PRDM1: variants seen among roughly 807,000 people sequenced by gnomAD.
PRDM1 encodes the protein PR/SET domain 1.
In PRDM1, 13 loss-of-function variants were observed where a neutral mutation model predicts 62.8. The ratio of observed to expected loss-of-function variants is 0.21; its 90% CI spans 0.13 to 0.33. The LOEUF (loss-of-function observed/expected upper bound fraction) is 0.33. Ranked by LOEUF, PRDM1 falls within the 10% of genes least tolerant of loss-of-function variation. The pLI is 1.00. For synonymous variants in PRDM1, 396 were observed against 417.6 expected, an observed-to-expected ratio of 0.95 and a Z score of 0.63; for missense variants, 895 against 1,058.8, an observed-to-expected ratio of 0.85 and a Z score of 2.15.
At chr6:106,091,729 TGCCATTGCACTCCAGCCCAG>T (rs1460173317) in intron 2 of PRDM1, among the ~76,000 whole-genome samples, 1 of 151,696 alleles carries the variant, frequency 6.6e-6, no homozygotes, top group Non-Finnish European at 1.5e-5. Context: ...GCCGAGATCG[TGCCATTGCACTCCAGCCCAG>T]GCAACGAGAG....
At chr6:106,040,049 G>A (rs2114574530) in intron 1 of PRDM1, among the ~76,000 whole-genome samples, 1 of 152,296 alleles carries the variant, frequency 6.6e-6, no homozygotes, top group African/African-American at 2.4e-5. Flanking sequence ...TAAGACCAAG[G>A]CATTCAAAAT....
At chr6:105,999,657 A>G (rs977194230) in intron 1 of PRDM1, among the ~76,000 whole-genome samples, 2 of 152,158 alleles carry the variant, frequency 1.3e-5, no homozygotes, top group East Asian at 3.9e-4. Context: ...CCATGACTGC[A>G]GTAGAAATAA....
rs749956643 is a variant in PRDM1, at chr6:106,107,327, A to G, written c.2319A>G (p.Lys773=). Residue 773 remains lysine (K), a synonymous_variant, in exon 7 of 7, where the codon AAA becomes AAG. Transcript: ENST00000369096. ...AAGAGAAAGAAGAAACTGGCCTGAA[A>G]GTGTCTTTGCAAAGAAACATGGGGA... ...VRKEKEETGL[K]VSLQRNMGNG... The G allele has an allele frequency of 6.2e-7, 1 of 1,614,128 alleles. No individual in the cohort carries two copies. The highest frequency in any genetic ancestry group is 8.5e-7 in the Non-Finnish European group (1 of 1,180,016).
chr6:106,099,024 A>T, intron 3 of PRDM1: 1 of 1,609,300 alleles, frequency 6.2e-7, no homozygotes, highest in Non-Finnish European at 8.5e-7. Context: ...AGCTCCTTAA[A>T]TGAACATTTG....
In PRDM1 at chr6:106,086,361, A is replaced by T; in HGVS notation, c.-193A>T. 1.9e-6 allele frequency: 1 copy of T among 528,466 alleles called. No homozygotes were observed. The highest frequency in any genetic ancestry group is 3.4e-6 in the Non-Finnish European group (1 of 293,226). 32.7% of individuals were successfully genotyped at this position (528,466 alleles called of 1,614,324 possible). Reference sequence around the variant, plus strand: ...AACACAGACAAAGTGCTGCCGTGACACTCGGCCCTCCAGTGTTGCGGAGAG... The same window carrying T: ...AACACAGACAAAGTGCTGCCGTGACTCTCGGCCCTCCAGTGTTGCGGAGAG... On this transcript the variant is annotated 5_prime_UTR_variant, in exon 1 of 7. Coordinates refer to ENST00000369096, the MANE Select transcript of PRDM1 (RefSeq NM_001198.4).
chr6:106,023,184 G>A (rs1461761267), intron 1 of PRDM1, among the ~76,000 whole-genome samples: 1 of 152,164 alleles, frequency 6.6e-6, no homozygotes, highest in Non-Finnish European at 1.5e-5. Context: ...CATGATTTGA[G>A]GACATGATCT....
intron 1 of PRDM1, among the ~76,000 whole-genome samples, chr6:106,063,534 A>G (rs1011745944): frequency 2.0e-5 from 3 of 152,200 alleles, no homozygotes; most frequent in African/African-American, 7.2e-5. Flanking sequence ...ATATAAAGAG[A>G]GTGAGTCAAT....
chr6:106,032,154 G>T (rs1049122027), intron 1 of PRDM1, among the ~76,000 whole-genome samples: 17 of 151,592 alleles, frequency 1.1e-4, no homozygotes, highest in African/African-American at 3.9e-4. Context: ...AAATAGCTAG[G>T]CATATTAAAG....
intron 1 of PRDM1, among the ~76,000 whole-genome samples, chr6:106,032,325 AT>A (rs71006666): frequency 1.2e-3 from 168 of 144,076 alleles, no homozygotes; most frequent in African/African-American, 2.6e-3. Context: ...CACCCAGCTA[AT>A]TTTTTTTTTT....
intron 1 of PRDM1, among the ~76,000 whole-genome samples, chr6:106,035,045 T>C (rs1043685421): frequency 5.3e-5 from 8 of 152,226 alleles, no homozygotes; most frequent in Non-Finnish European, 1.0e-4. Flanking sequence ...CCTGTATATA[T>C]CTGTTAAATA....
intron 2 of PRDM1, among the ~76,000 whole-genome samples, chr6:106,094,647 A>G (rs957316016): frequency 2.0e-5 from 3 of 152,188 alleles, no homozygotes; most frequent in African/African-American, 7.2e-5. Flanking sequence ...CTCAGCCTGT[A>G]ATCTCAGCAC....
At chr6:106,026,100 CTT>C (rs1772762242) in intron 1 of PRDM1, among the ~76,000 whole-genome samples, 1 of 152,158 alleles carries the variant, frequency 6.6e-6, no homozygotes, top group South Asian at 2.1e-4. Context: ...TCAGACAACT[CTT>C]TTGAGAAAAG....
At chr6:106,090,637 T>G (rs539537820) in intron 2 of PRDM1, among the ~76,000 whole-genome samples, 2 of 152,222 alleles carry the variant, frequency 1.3e-5, no homozygotes, top group Non-Finnish European at 1.5e-5. Context: ...ACAGCAACAT[T>G]AAGGATTGAT....
intron 1 of PRDM1, among the ~76,000 whole-genome samples, chr6:106,036,919 T>C (rs1772932368): frequency 6.6e-6 from 1 of 152,118 alleles, no homozygotes; most frequent in Admixed American, 6.5e-5. Context: ...ACTCAAGTGA[T>C]TTTCCTGCCT....
intron 2 of PRDM1, among the ~76,000 whole-genome samples, chr6:106,088,857 T>C (rs1268569602): frequency 6.6e-6 from 1 of 152,230 alleles, no homozygotes; most frequent in African/African-American, 2.4e-5. Context: ...CTGTCTTTGG[T>C]AATTAGTTGG....
At chr6:106,042,559 A>C (rs1432328353) in intron 1 of PRDM1, among the ~76,000 whole-genome samples, 1 of 151,938 alleles carries the variant, frequency 6.6e-6, no homozygotes, top group Non-Finnish European at 1.5e-5. Flanking sequence ...AACAACAACA[A>C]CAAAACAAAA....
intron 3 of PRDM1, 174 bp from the exon 4 acceptor site, chr6:106,099,126 C>T (rs944229475): frequency 1.2e-6 from 2 of 1,611,836 alleles, no homozygotes; most frequent in Non-Finnish European, 1.7e-6. Context: ...TACCTGTTTC[C>T]GCCCTGATTT....
At chr6:106,063,796 T>C (rs1394973402) in intron 1 of PRDM1, among the ~76,000 whole-genome samples, 1 of 152,188 alleles carries the variant, frequency 6.6e-6, no homozygotes, top group Non-Finnish European at 1.5e-5. Flanking sequence ...TTTGGTTAAT[T>C]TCCCCTTGTA....
chr6:106,041,360 G>A (rs1424720430), intron 1 of PRDM1, among the ~76,000 whole-genome samples: 1 of 152,114 alleles, frequency 6.6e-6, no homozygotes, highest in Non-Finnish European at 1.5e-5. Flanking sequence ...ATTCTAAATT[G>A]AAAAATATCT....
Sources: gnomAD v4.1 joint callset for allele counts (sites outside exome capture counted in the v4.1 genomes callset) on GRCh38, gnomAD v4.1.1 for gene constraint, MANE v1.5 for transcripts, NCBI Gene and HGNC (gene_info 2026-07-23, HGNC 2026-07-21) for gene names.